Variants in FTO observed in about 807,000 individuals in gnomAD.
FTO encodes alpha-ketoglutarate-dependent dioxygenase FTO.
FTO carries 47 observed loss-of-function variants against 63.9 expected under a neutral mutation model. The ratio of observed to expected loss-of-function variants is 0.74; its 90% CI spans 0.58 to 0.94. FTO has a LOEUF of 0.94. Among genes scored for constraint, FTO ranks in the 40% least tolerant of loss-of-function variants. The pLI is 0.00. For synonymous variants in FTO, 207 were observed against 224.4 expected (o/e 0.92, Z 0.69); for missense variants, 562 against 618.1 (o/e 0.91, Z 0.96).
rs1191857024 is a variant in FTO at position 54,111,967 on chromosome 16, C to T, written c.*52C>T. On this transcript the variant is annotated 3_prime_UTR_variant, in exon 9 of 9. Transcript: ENST00000471389. ...GAAAAAGAGATCGGCTTTTCTCCTC[C>T]AACGTTGTCATGGGCTTAAGCAAGA... 1.1e-5 allele frequency: 18 copies of T among 1,602,502 alleles called. No individual in the cohort carries two copies. In the African/African-American group the frequency reaches 2.0e-4, roughly 18 times the overall value.
intron 1 of FTO, among the ~76,000 whole-genome samples, chr16:53,788,796 C>G (rs1330612655): frequency 6.6e-6 from 1 of 152,040 alleles, no homozygotes; most frequent in African/African-American, 2.4e-5. Flanking sequence ...CTTGTACATA[C>G]TCTGTCCTCT....
intron 1 of FTO, among the ~76,000 whole-genome samples, chr16:53,740,567 A>C (rs989014732): frequency 6.6e-6 from 1 of 152,206 alleles, no homozygotes; most frequent in South Asian, 2.1e-4. Context: ...TGCACATTTT[A>C]CAGTAGGTTC....
intron 8 of FTO, among the ~76,000 whole-genome samples, chr16:53,990,082 G>A (rs1370291231): frequency 6.6e-6 from 1 of 152,132 alleles, no homozygotes; most frequent in African/African-American, 2.4e-5. Flanking sequence ...TCAACAGCAA[G>A]CTATTAATAG....
intron 1 of FTO, among the ~76,000 whole-genome samples, chr16:53,730,231 T>C (rs1420933416): frequency 1.3e-5 from 2 of 152,176 alleles, no homozygotes; most frequent in African/African-American, 4.8e-5. Flanking sequence ...TAGAAACTAA[T>C]AGAAATATTA....
chr16:53,716,869 G>T (rs1170037317), intron 1 of FTO, among the ~76,000 whole-genome samples: 1 of 150,442 alleles, frequency 6.6e-6, no homozygotes, highest in African/African-American at 2.4e-5. Flanking sequence ...GTATTGCTTA[G>T]AATATTGTTA....
intron 2 of FTO, among the ~76,000 whole-genome samples, chr16:53,820,480 CT>C (rs61060863): frequency 1.7e-3 from 242 of 145,952 alleles, no homozygotes; most frequent in African/African-American, 4.0e-3. Context: ...GAAAGGTTTC[CT>C]TTTTTTTTTT....
intron 1 of FTO, among the ~76,000 whole-genome samples, chr16:53,714,183 A>C (rs2075841430): frequency 6.6e-6 from 1 of 152,212 alleles, no homozygotes; most frequent in African/African-American, 2.4e-5. Flanking sequence ...TTGCCAGAGC[A>C]TGAGTGTTTT....
chr16:54,034,502 A>T (rs1236053630), intron 8 of FTO, among the ~76,000 whole-genome samples: 1 of 152,194 alleles, frequency 6.6e-6, no homozygotes, highest in Non-Finnish European at 1.5e-5. Context: ...GTTCTGTTAT[A>T]GTCATTATCC....
At chr16:53,809,184 C>T (rs936453407) in intron 1 of FTO, among the ~76,000 whole-genome samples, 12 of 152,162 alleles carry the variant, frequency 7.9e-5, no homozygotes, top group African/African-American at 2.4e-4. Context: ...TCTCTTGAAA[C>T]AGCCTCAGAC....
chr16:53,891,874 C>T lies in FTO; in HGVS notation c.1239+2923C>T, dbSNP rs114760955. Among the ~76,000 whole-genome samples, 645 of 152,256 alleles carry T rather than the reference C, an allele frequency of 4.2e-3. 5 individuals are homozygous for T. The highest frequency in any genetic ancestry group is 0.015 in the African/African-American group (622 of 41,540). On this transcript the variant is annotated intron_variant, in intron 7 of 8. Transcript: ENST00000471389. ...CTAAAAGGAAAAGCAATTCTGCGAA[C>T]TCTCTGGTGCTGGTTTCCCAGAAGT...
chr16:53,815,629 C>CTTTCTTGTT (rs1474920643), intron 2 of FTO, among the ~76,000 whole-genome samples: 3,483 of 119,034 alleles, frequency 0.029, 279 homozygotes, highest in African/African-American at 0.12. Flanking sequence ...AGGCCATTGA[C>CTTTCTTGTT]TTTCTTGTTT....
chr16:53,804,875 A>G lies in FTO; in HGVS notation c.46-5265A>G, dbSNP rs561248537. On this transcript the variant is annotated intron_variant, in intron 1 of 8. Coordinates refer to ENST00000471389, the MANE Select transcript of FTO (RefSeq NM_001080432.3). ...AGTGATCCGTCTTCCTTGGCCTCCC[A>G]TAGTGCTGGGCTTACAGGTGTGAGC... 2.0e-5 allele frequency among the ~76,000 whole-genome samples: 3 copies of G among 152,154 alleles called. No homozygotes were observed. In the East Asian group the frequency reaches 5.8e-4, roughly 29 times the overall value.
At chr16:53,938,433 G>A (rs1228785691) in intron 8 of FTO, among the ~76,000 whole-genome samples, 2 of 152,172 alleles carry the variant, frequency 1.3e-5, no homozygotes, top group Non-Finnish European at 2.9e-5. Context: ...CATGAACATA[G>A]AGTCTTGATT....
intron 8 of FTO, among the ~76,000 whole-genome samples, chr16:53,982,617 A>T (rs935654806): frequency 6.6e-6 from 1 of 152,198 alleles, no homozygotes; most frequent in African/African-American, 2.4e-5. Flanking sequence ...TAGAATGCTC[A>T]GTAATATTGC....
intron 4 of FTO, among the ~76,000 whole-genome samples, chr16:53,847,788 T>C (rs2079673588): frequency 6.6e-6 from 1 of 151,782 alleles, no homozygotes; most frequent in South Asian, 2.1e-4. Context: ...AAAAGCGCTG[T>C]ATTTTAATGA....
chr16:53,704,244 C>A lies in FTO; in HGVS notation c.45+15C>A. ...GCGAAGCTAAGGTATGTCGGGCTCC[C>A]GGGGCCTGGAGATCTTCGTGCGCTG... On this transcript the variant is annotated intron_variant, in intron 1 of 8. Coordinates refer to ENST00000471389, the MANE Select transcript of FTO (RefSeq NM_001080432.3). 1 of 1,551,276 alleles carries A rather than the reference C, an allele frequency of 6.4e-7. No individual in the cohort carries two copies.
intron 4 of FTO, among the ~76,000 whole-genome samples, chr16:53,859,485 A>G (rs2080106973): frequency 1.3e-5 from 2 of 149,344 alleles, no homozygotes; most frequent in Admixed American, 6.7e-5. Context: ...TGATATATAT[A>G]TTTCATTATA....
chr16:54,052,013 G>A (rs1076467), intron 8 of FTO, among the ~76,000 whole-genome samples: 38,003 of 152,148 alleles, frequency 0.25, 7,264 homozygotes, highest in African/African-American at 0.53. Flanking sequence ...ACACTCTCTA[G>A]ACTTGTGGGC....
chr16:54,068,374 A>G (rs192233638), intron 8 of FTO, among the ~76,000 whole-genome samples: 1 of 152,148 alleles, frequency 6.6e-6, no homozygotes. Context: ...GCCTCTGTCA[A>G]CCTGAAAGCC....
Sources: allele counts gnomAD v4.1 joint callset (sites outside exome capture counted in the v4.1 genomes callset), GRCh38; gene constraint gnomAD v4.1.1; transcripts MANE v1.5; gene names NCBI Gene and HGNC (gene_info 2026-07-23, HGNC 2026-07-21).